CDH2: variants seen among roughly 807,000 people sequenced by gnomAD.
CDH2 encodes cadherin-2.
CDH2 carries 17 observed loss-of-function variants against 92.0 expected under a neutral mutation model. The ratio of observed to expected loss-of-function variants is 0.18; its 90% CI spans 0.13 to 0.28. The LOEUF (loss-of-function observed/expected upper bound fraction) is 0.28. Among genes scored for constraint, CDH2 ranks in the 10% least tolerant of loss-of-function variants. The probability of loss-of-function intolerance (pLI) is 1.00; values close to 1 mark genes in which losing one functional copy is unlikely to be tolerated. For missense variants in CDH2, 862 were observed against 1,133.1 expected, an observed-to-expected ratio of 0.76 and a Z score of 3.44; for synonymous variants, 419 against 415.9, an observed-to-expected ratio of 1.01 and a Z score of -0.09.
At chr18:27,976,947 A>G (rs2011850697) in intron 14 of CDH2, among the ~76,000 whole-genome samples, 1 of 152,260 alleles carries the variant, frequency 6.6e-6, no homozygotes, top group South Asian at 2.1e-4. Context: ...TTGTACATTC[A>G]CCCTGATTTT....
At chr18:27,936,086 A>G (rs1658475820) in intron 6 of CDH2, among the ~76,000 whole-genome samples, 1 of 152,184 alleles carries the variant, frequency 6.6e-6, no homozygotes, top group Non-Finnish European at 1.5e-5. Context: ...CTTCTTCTTG[A>G]CAATAGAAGA....
intron 6 of CDH2, among the ~76,000 whole-genome samples, chr18:27,942,721 GA>G (rs1221298090): frequency 6.6e-6 from 1 of 152,208 alleles, no homozygotes; most frequent in African/African-American, 2.4e-5. Flanking sequence ...CCAGAGCCCG[GA>G]AATGTTACTT....
chr18:27,981,010 T>G (rs552922214), intron 14 of CDH2, among the ~76,000 whole-genome samples: 1 of 152,276 alleles, frequency 6.6e-6, no homozygotes, highest in South Asian at 2.1e-4. Context: ...TTAAACAATT[T>G]ATTGGACTGG....
chr18:28,057,244 T>C (rs777697023), intron 2 of CDH2, among the ~76,000 whole-genome samples: 2 of 152,232 alleles, frequency 1.3e-5, no homozygotes, highest in Non-Finnish European at 2.9e-5. Flanking sequence ...GAAACTGATT[T>C]GTTTTATAAA....
intron 7 of CDH2, among the ~76,000 whole-genome samples, chr18:28,001,640 A>C (rs2012769676): frequency 6.6e-6 from 1 of 152,224 alleles, no homozygotes; most frequent in Non-Finnish European, 1.5e-5. Flanking sequence ...TGAGTCCAAC[A>C]ATCTCTGATG....
At chr18:28,105,097 AT>A (rs1030884212) in intron 2 of CDH2, among the ~76,000 whole-genome samples, 4 of 152,140 alleles carry the variant, frequency 2.6e-5, no homozygotes, top group African/African-American at 9.7e-5. Flanking sequence ...TGGGCAAGTC[AT>A]TTAATCTTTC....
In CDH2 at chr18:28,009,771, C is replaced by T. The variant is rs140757128; in HGVS notation, c.648G>A (p.Ser216=). ...GGGGCTTTGTCACCGACAGCTGACC[C>T]GAGATGGGGTTGATAATGAAGATAC... ...PTGIFIINPI[S]GQLSVTKPLD... is the part of the protein sequence containing the mutation. The change falls in exon 5 of 16, where the codon TCG becomes TCA. Residue 216 remains serine, a synonymous_variant. Coordinates refer to ENST00000269141, the MANE Select transcript of CDH2 (RefSeq NM_001792.5). The T allele has an allele frequency of 7.0e-5, 113 of 1,613,836 alleles. No individual in the cohort carries two copies. The highest frequency in any genetic ancestry group is 4.1e-4 in the African/African-American group (31 of 74,870).
chr18:27,970,182 G>A (rs969212760), intron 14 of CDH2, among the ~76,000 whole-genome samples: 23 of 152,138 alleles, frequency 1.5e-4, no homozygotes, highest in Non-Finnish European at 2.4e-4. Flanking sequence ...ATAATTTCCC[G>A]TTGTTTTGAT....
chr18:28,097,713 T>C (rs1270956743), intron 2 of CDH2, among the ~76,000 whole-genome samples: 1 of 152,212 alleles, frequency 6.6e-6, no homozygotes, highest in Non-Finnish European at 1.5e-5. Context: ...CATCTGCAGA[T>C]TTTGGTATCC....
intron 2 of CDH2, among the ~76,000 whole-genome samples, chr18:28,090,408 T>TTCA (rs1363239377): frequency 6.6e-6 from 1 of 152,206 alleles, no homozygotes; most frequent in Non-Finnish European, 1.5e-5. Flanking sequence ...ACCCATCTCC[T>TTCA]TCATGTCCTC....
chr18:27,972,247 A>G (rs533034042), intron 14 of CDH2, among the ~76,000 whole-genome samples: 6 of 152,280 alleles, frequency 3.9e-5, no homozygotes, highest in African/African-American at 1.4e-4. Context: ...CTGCAAGCTT[A>G]ATCAATTGAT....
intron 14 of CDH2, among the ~76,000 whole-genome samples, chr18:27,969,176 T>C (rs1483329875): frequency 6.6e-6 from 1 of 152,150 alleles, no homozygotes; most frequent in Non-Finnish European, 1.5e-5. Context: ...CAACAAAAAA[T>C]TTGCTAAAAG....
In CDH2 at chr18:27,951,453, A is replaced by G. The variant is rs972306405; in HGVS notation, c.*700T>C. ...TGCCAATAAAACATTATGTACACAT[A>G]CTATTTTTACAGTGAAGTGGAAAAA... On this transcript the variant is annotated 3_prime_UTR_variant, in exon 16 of 16. Transcript: ENST00000269141. 1.3e-5 allele frequency: 2 copies of G among 152,628 alleles called. No homozygotes were observed. Among genetic ancestry groups the G allele is most frequent in the Admixed American group, 1.3e-4 (2 of 15,280 alleles). The allele number at this position is 152,628 out of a possible 1,614,324, so 9.5% of individuals were successfully genotyped here. A position where few individuals can be genotyped will look rare whatever the true frequency, so the allele number is the denominator to read the frequency against.
chr18:28,005,948 G>C lies in CDH2; in HGVS notation c.748C>G (p.Pro250Ala). The C allele has an allele frequency of 6.2e-7, 1 of 1,611,548 alleles. No homozygotes were observed. The highest frequency in any genetic ancestry group is 2.2e-5 in the East Asian group (1 of 44,824). The change falls in exon 6 of 16, where the codon CCC becomes GCC. Residue 250 changes from proline (P) to alanine (A), a missense_variant. By Grantham distance (27) the Pro-to-Ala change is conservative. Transcript: ENST00000269141. Reference protein sequence around the residue: ...VDINGNQVENPIDIVINVIDM... With the variant: ...VDINGNQVENAIDIVINVIDM... ...ATAACATTGATGACAATGTCAATGG[G>C]GTTCTCCACTTGATTTCCATTAATA...
intron 2 of CDH2, among the ~76,000 whole-genome samples, chr18:28,058,379 A>T (rs1344034211): frequency 6.6e-6 from 1 of 152,142 alleles, no homozygotes; most frequent in East Asian, 1.9e-4. Context: ...GGGACCATAG[A>T]GTTCTTCTCC....
chr18:28,145,908 A>C (rs1043639786), intron 2 of CDH2, among the ~76,000 whole-genome samples: 1 of 152,140 alleles, frequency 6.6e-6, no homozygotes, highest in African/African-American at 2.4e-5. Context: ...AGACCATTAT[A>C]CATACTTTTC....
chr18:28,074,141 A>G (rs1401086557), intron 2 of CDH2, among the ~76,000 whole-genome samples: 3 of 152,182 alleles, frequency 2.0e-5, no homozygotes, highest in African/African-American at 7.2e-5. Flanking sequence ...TACATGAACA[A>G]AGAGGTACAA....
chr18:28,108,290 A>C (rs2015355583), intron 2 of CDH2, among the ~76,000 whole-genome samples: 1 of 152,208 alleles, frequency 6.6e-6, no homozygotes, highest in Non-Finnish European at 1.5e-5. Context: ...TATTGGATCT[A>C]TAAATGTTTA....
intron 3 of CDH2, 76 bp from the exon 4 acceptor site, chr18:28,012,068 C>G (rs1348958834): frequency 1.6e-6 from 2 of 1,224,882 alleles, no homozygotes; most frequent in Non-Finnish European, 1.2e-6. Context: ...TTATTGAATA[C>G]CTGAAAGCAT....
Sources: gnomAD v4.1 joint callset for allele counts (sites outside exome capture counted in the v4.1 genomes callset) on GRCh38, gnomAD v4.1.1 for gene constraint, MANE v1.5 for transcripts, NCBI Gene and HGNC (gene_info 2026-07-23, HGNC 2026-07-21) for gene names.